FRAS1: variants seen among roughly 807,000 people sequenced by gnomAD.
FRAS1 encodes the protein Fraser extracellular matrix complex subunit 1.
Under a neutral mutation model 435.2 loss-of-function variants are expected in FRAS1, and 290 were observed. The ratio of observed to expected loss-of-function variants is 0.67; its 90% CI spans 0.61 to 0.73. The LOEUF (loss-of-function observed/expected upper bound fraction) is 0.73. FRAS1 is among the 30% of genes least tolerant of loss of function. The probability of loss-of-function intolerance (pLI) is 0.00; values close to 1 mark genes in which losing one functional copy is unlikely to be tolerated. For synonymous variants in FRAS1, 1,800 were observed against 1,851.0 expected, an observed-to-expected ratio of 0.97 and a Z score of 0.71; for missense variants, 4,860 against 5,001.5, an observed-to-expected ratio of 0.97 and a Z score of 0.85.
At chr4:78,086,969 A>C (rs980426241) in intron 2 of FRAS1, among the ~76,000 whole-genome samples, 2 of 152,060 alleles carry the variant, frequency 1.3e-5, no homozygotes, top group African/African-American at 4.8e-5. Context: ...AGACACAACC[A>C]AAAAAAGAGA....
chr4:78,156,605 G>T (rs1160464770), intron 2 of FRAS1, among the ~76,000 whole-genome samples: 2 of 152,150 alleles, frequency 1.3e-5, no homozygotes, highest in South Asian at 4.2e-4. Context: ...ATTCCTTAAA[G>T]AAGCTGTTGT....
intron 47 of FRAS1, among the ~76,000 whole-genome samples, chr4:78,452,833 A>G (rs1322038804): frequency 6.6e-6 from 1 of 152,188 alleles, no homozygotes; most frequent in Non-Finnish European, 1.5e-5. Flanking sequence ...AAAATAAGGA[A>G]CCTCTGCACA....
chr4:78,184,416 T>A (rs1236486048), intron 2 of FRAS1, among the ~76,000 whole-genome samples: 2 of 148,498 alleles, frequency 1.3e-5, no homozygotes, highest in Non-Finnish European at 2.9e-5. Flanking sequence ...TACAAAATAT[T>A]TTTTTTTCCC....
intron 72 of FRAS1, among the ~76,000 whole-genome samples, chr4:78,537,918 C>T (rs1310375737): frequency 2.0e-5 from 3 of 150,828 alleles, no homozygotes; most frequent in Non-Finnish European, 4.4e-5. Flanking sequence ...TGCACTCCAG[C>T]CTGGGCAACA....
At chr4:78,467,973 A>C (rs1446706904) in intron 50 of FRAS1, among the ~76,000 whole-genome samples, 2 of 152,192 alleles carry the variant, frequency 1.3e-5, no homozygotes, top group Non-Finnish European at 2.9e-5. Flanking sequence ...TCTGCTTATT[A>C]ATCCCTTGTA....
chr4:78,291,364 T>G (rs113197309), intron 14 of FRAS1, among the ~76,000 whole-genome samples: 3,100 of 152,218 alleles, frequency 0.02, 89 homozygotes, highest in African/African-American at 0.071. Flanking sequence ...AGCTGCAACC[T>G]AGATCCCTCA....
chr4:78,524,225 G>C (rs1721467720), intron 69 of FRAS1, among the ~76,000 whole-genome samples: 3 of 152,208 alleles, frequency 2.0e-5, no homozygotes, highest in Admixed American at 2.0e-4. Context: ...TAAATCCCCA[G>C]AACCACAGGT....
intron 9 of FRAS1, among the ~76,000 whole-genome samples, chr4:78,276,267 C>T (rs754166209): frequency 1.3e-5 from 2 of 152,186 alleles, no homozygotes; most frequent in African/African-American, 4.8e-5. Context: ...TGAACTCCCT[C>T]CTTTAGCTTG....
intron 2 of FRAS1, among the ~76,000 whole-genome samples, chr4:78,221,755 C>G (rs1467891983): frequency 6.6e-6 from 1 of 152,160 alleles, no homozygotes; most frequent in African/African-American, 2.4e-5. Flanking sequence ...CCCTGCTTTG[C>G]TAATGAATAC....
rs1032236393 is a variant in FRAS1, at chr4:78,337,665, C to T, written c.2279-9C>T. 1 of 1,609,270 alleles carries T rather than the reference C, an allele frequency of 6.2e-7. No individual in the cohort carries two copies. The highest frequency in any genetic ancestry group is 1.3e-5 in the African/African-American group (1 of 74,846). The stretch of plus-strand genomic sequence containing the variant: ...CTAATTCCAATCCTGGTTTTCGTCC[C>T]CCTGCCAGAGTGTCACCCAACCTGC... On this transcript the variant is annotated splice_polypyrimidine_tract_variant and intron_variant, in intron 19 of 73. Transcript: ENST00000512123.
chr4:78,165,224 C>T (rs1339129128), intron 2 of FRAS1, among the ~76,000 whole-genome samples: 1 of 152,204 alleles, frequency 6.6e-6, no homozygotes, highest in East Asian at 1.9e-4. Context: ...ATCATTGCCT[C>T]TTTCATGTAG....
In FRAS1 at chr4:78,542,619, A is replaced by T. The variant is rs1722095545; in HGVS notation, c.*1495A>T. ...TAGTAACATTTCGCTACTAAAAGCTAGAAAGGATGAACTGTGAAAGGTTCT... is the reference window on the plus strand; with the variant it reads ...TAGTAACATTTCGCTACTAAAAGCTTGAAAGGATGAACTGTGAAAGGTTCT... On this transcript the variant is annotated 3_prime_UTR_variant, in exon 74 of 74. Coordinates refer to ENST00000512123, the MANE Select transcript of FRAS1 (RefSeq NM_025074.7). 2 of 152,682 alleles carry T rather than the reference A, an allele frequency of 1.3e-5. No homozygotes were observed. Among genetic ancestry groups the T allele is most frequent in the African/African-American group, 4.8e-5 (2 of 41,462 alleles). The allele number at this position is 152,682 out of a possible 1,614,324, so 9.5% of individuals were successfully genotyped here.
At chr4:78,481,407 C>T (rs889580985) in intron 56 of FRAS1, among the ~76,000 whole-genome samples, 21 of 152,324 alleles carry the variant, frequency 1.4e-4, no homozygotes, top group African/African-American at 4.8e-4. Flanking sequence ...TATTTTCTGA[C>T]ACATCCCTGA....
intron 14 of FRAS1, among the ~76,000 whole-genome samples, chr4:78,296,210 A>C (rs1012066188): frequency 5.9e-5 from 9 of 151,350 alleles, no homozygotes; most frequent in African/African-American, 2.2e-4. Context: ...TTTGGTTTGC[A>C]TATCTCCAGC....
chr4:78,303,326 G>A (rs1486204695), intron 14 of FRAS1, among the ~76,000 whole-genome samples: 4 of 152,196 alleles, frequency 2.6e-5, no homozygotes, highest in Non-Finnish European at 5.9e-5. Flanking sequence ...GCTGAGGATT[G>A]ACTTGGCGAT....
At position 78,338,928 on chromosome 4, in the gene FRAS1, T is replaced by C. The variant is rs187619120; in HGVS notation, c.2422+1111T>C. Among the ~76,000 whole-genome samples, 26 of 152,322 alleles carry C rather than the reference T, an allele frequency of 1.7e-4. No individual in the cohort carries two copies. In the East Asian group the frequency reaches 2.5e-3, roughly 15 times the overall value. Reference sequence around the variant, plus strand: ...CATTTTGGTATTAAGGTCTATATCCTAAGAAAACCAAACTGTCAAGCACAG... The same window carrying C: ...CATTTTGGTATTAAGGTCTATATCCCAAGAAAACCAAACTGTCAAGCACAG... On this transcript the variant is annotated intron_variant, in intron 20 of 73. Transcript: ENST00000512123.
intron 14 of FRAS1, among the ~76,000 whole-genome samples, chr4:78,302,179 T>C (rs1268213175): frequency 1.4e-5 from 2 of 142,744 alleles, no homozygotes; most frequent in East Asian, 4.3e-4. Context: ...ACAAAGGACA[T>C]GAACTCATCA....
Position 78,475,418 on chromosome 4 carries a change from G to A in FRAS1, c.7683-20G>A, listed in dbSNP as rs1264777353. ...AACCATGGGGCATAGTTTAAGAGAT[G>A]CCTTTTTGTGTGCTTCCAGCTACAA... On this transcript the variant is annotated intron_variant, in intron 53 of 73. Coordinates refer to ENST00000512123, the MANE Select transcript of FRAS1 (RefSeq NM_025074.7). 1.2e-6 allele frequency: 2 copies of A among 1,613,760 alleles called. No individual in the cohort carries two copies. Among genetic ancestry groups the A allele is most frequent in the South Asian group, 1.1e-5 (1 of 91,070 alleles).
chr4:78,322,285 A>G (rs992911454), intron 18 of FRAS1, among the ~76,000 whole-genome samples: 4 of 152,186 alleles, frequency 2.6e-5, no homozygotes, highest in Non-Finnish European at 2.9e-5. Flanking sequence ...TGGGAGTCCT[A>G]TGAGATTGCA....
Sources: allele counts gnomAD v4.1 joint callset (sites outside exome capture counted in the v4.1 genomes callset), GRCh38; gene constraint gnomAD v4.1.1; transcripts MANE v1.5; gene names NCBI Gene and HGNC (gene_info 2026-07-23, HGNC 2026-07-21).